SDK1: variants seen among roughly 807,000 people sequenced by gnomAD.
SDK1 encodes sidekick cell adhesion molecule 1.
SDK1 carries 157 observed loss-of-function variants against 245.5 expected under a neutral mutation model. The observed-to-expected ratio is 0.64, with a 90% confidence interval of 0.56 to 0.73. SDK1 has a LOEUF of 0.73. Among genes scored for constraint, SDK1 ranks in the 30% least tolerant of loss-of-function variants. The probability of loss-of-function intolerance (pLI) is 0.00; values close to 1 mark genes in which losing one functional copy is unlikely to be tolerated. For synonymous variants in SDK1, 1,647 were observed against 1,278.5 expected (o/e 1.29, Z -6.15); for missense variants, 3,583 against 3,002.3 (o/e 1.19, Z -4.52).
chr7:3,383,145 C>G (rs948389896), intron 1 of SDK1, among the ~76,000 whole-genome samples: 5 of 152,268 alleles, frequency 3.3e-5, no homozygotes, highest in Admixed American at 1.3e-4. Flanking sequence ...AGTGCAGTGG[C>G]TCAGGCCTAT....
intron 28 of SDK1, among the ~76,000 whole-genome samples, chr7:4,137,394 T>C (rs1420670331): frequency 6.6e-6 from 1 of 152,226 alleles, no homozygotes; most frequent in East Asian, 1.9e-4. Context: ...GGAGCTGAGA[T>C]GCCTACAAGG....
intron 22 of SDK1, among the ~76,000 whole-genome samples, chr7:4,098,414 CTTG>C (rs1268383193): frequency 1.3e-5 from 2 of 152,128 alleles, no homozygotes; most frequent in Non-Finnish European, 2.9e-5. Flanking sequence ...TCCTAATTCT[CTTG>C]TTGGATTTTT....
intron 1 of SDK1, among the ~76,000 whole-genome samples, chr7:3,573,784 T>A (rs542414582): frequency 6.6e-6 from 1 of 152,104 alleles, no homozygotes; most frequent in African/African-American, 2.4e-5. Context: ...TGACCCTTCC[T>A]TTTCTAAGTC....
At chr7:3,389,499 A>G (rs1454633084) in intron 1 of SDK1, among the ~76,000 whole-genome samples, 1 of 152,192 alleles carries the variant, frequency 6.6e-6, no homozygotes, top group Non-Finnish European at 1.5e-5. Context: ...CTTCACTGTC[A>G]TTCCTTTAGA....
chr7:3,424,143 C>G (rs1282810684), intron 1 of SDK1, among the ~76,000 whole-genome samples: 1 of 152,248 alleles, frequency 6.6e-6, no homozygotes, highest in East Asian at 1.9e-4. Context: ...AACTCGTGAC[C>G]TCAGGTGATC....
At chr7:3,978,565 T>G (rs566449001) in intron 13 of SDK1, among the ~76,000 whole-genome samples, 1 of 152,268 alleles carries the variant, frequency 6.6e-6, no homozygotes, top group East Asian at 1.9e-4. Flanking sequence ...ATCCCAAACC[T>G]GGATGAATTG....
At chr7:3,396,426 C>T (rs189153570) in intron 1 of SDK1, among the ~76,000 whole-genome samples, 34 of 151,548 alleles carry the variant, frequency 2.2e-4, no homozygotes, top group African/African-American at 7.7e-4. Flanking sequence ...TGTTATAAGT[C>T]TTCTGTATTT....
intron 1 of SDK1, among the ~76,000 whole-genome samples, chr7:3,610,056 ATAT>A (rs936241007): frequency 1.3e-4 from 20 of 152,212 alleles, no homozygotes; most frequent in African/African-American, 4.8e-4. Flanking sequence ...CTCAAATCAC[ATAT>A]TATTACTTCT....
chr7:3,556,553 C>G (rs1779593028), intron 1 of SDK1, among the ~76,000 whole-genome samples: 1 of 151,804 alleles, frequency 6.6e-6, no homozygotes, highest in South Asian at 2.1e-4. Flanking sequence ...GGTGTGGTGG[C>G]TCACACCTTG....
intron 1 of SDK1, among the ~76,000 whole-genome samples, chr7:3,586,482 G>C (rs865848322): frequency 6.6e-6 from 1 of 151,872 alleles, no homozygotes. Flanking sequence ...TGGATCACGA[G>C]GTCAGGAGAT....
At position 3,658,951 on chromosome 7, in the gene SDK1, C is replaced by A. The variant is rs117529777; in HGVS notation, c.713+16846C>A. ...CTATCTAACAGAATATTTCCATCAC[C>A]CCAGAAGAAAACCCTGTACCCCTTG... On this transcript the variant is annotated intron_variant, in intron 4 of 44. Transcript: ENST00000404826. Among the ~76,000 whole-genome samples, 572 of 152,190 alleles carry A rather than the reference C, an allele frequency of 3.8e-3. 1 individual carries two copies. Among genetic ancestry groups the A allele is most frequent in the Non-Finnish European group, 5.2e-3 (351 of 68,004 alleles).
intron 10 of SDK1, 50 bp downstream of exon 10, chr7:3,967,484 C>G (rs1457462483): frequency 6.2e-6 from 7 of 1,129,922 alleles, no homozygotes; most frequent in African/African-American, 1.5e-5. Flanking sequence ...AGAACATAAC[C>G]TATCGGGCCA....
intron 4 of SDK1, among the ~76,000 whole-genome samples, chr7:3,744,292 A>G (rs1039029268): frequency 1.3e-5 from 2 of 151,948 alleles, no homozygotes; most frequent in African/African-American, 4.8e-5. Flanking sequence ...GACTTTCTGC[A>G]TAGCACGTAT....
chr7:3,853,565 T>G (rs1337560884), intron 5 of SDK1, among the ~76,000 whole-genome samples: 1 of 152,200 alleles, frequency 6.6e-6, no homozygotes, highest in Non-Finnish European at 1.5e-5. Context: ...GTTTCCAGTC[T>G]CAGATTTTTT....
intron 25 of SDK1, among the ~76,000 whole-genome samples, chr7:4,117,414 G>A (rs1436140538): frequency 6.6e-6 from 1 of 152,218 alleles, no homozygotes; most frequent in Non-Finnish European, 1.5e-5. Flanking sequence ...GCTGCACTGA[G>A]CTATGATCGC....
chr7:3,801,717 T>C (rs536613673), intron 4 of SDK1, among the ~76,000 whole-genome samples: 13 of 152,312 alleles, frequency 8.5e-5, no homozygotes, highest in African/African-American at 3.1e-4. Context: ...TGGTTCCTTC[T>C]CCTCTTGCTT....
At chr7:4,178,372 G>A (rs758644087) in intron 34 of SDK1, 113 bp from the exon 35 acceptor site, 37 of 773,624 alleles carry the variant, frequency 4.8e-5, no homozygotes, top group East Asian at 4.9e-5. Context: ...TAACAATCCC[G>A]CCTCCTCTCC....
intron 1 of SDK1, among the ~76,000 whole-genome samples, chr7:3,603,560 T>G (rs1382416528): frequency 6.6e-6 from 1 of 152,106 alleles, no homozygotes; most frequent in African/African-American, 2.4e-5. Flanking sequence ...TGAAGTTGCT[T>G]ATCAGCTTGA....
chr7:3,506,571 CATATT>C (rs1413028922), intron 1 of SDK1, among the ~76,000 whole-genome samples: 1 of 152,148 alleles, frequency 6.6e-6, no homozygotes, highest in Non-Finnish European at 1.5e-5. Flanking sequence ...TGATGACATG[CATATT>C]ATATTATCAT....
Sources: allele counts gnomAD v4.1 joint callset (sites outside exome capture counted in the v4.1 genomes callset), GRCh38; gene constraint gnomAD v4.1.1; transcripts MANE v1.5; gene names NCBI Gene and HGNC (gene_info 2026-07-23, HGNC 2026-07-21).